The following ARHGEF37 variants were observed in gnomAD, a reference collection of about 807,000 sequenced individuals.
ARHGEF37 encodes Rho guanine nucleotide exchange factor (GEF) 37.
ARHGEF37 carries 55 observed loss-of-function variants against 71.1 expected under a neutral mutation model. That is an observed-to-expected ratio of 0.77 (90% confidence interval 0.62 to 0.97). The LOEUF is 0.97. ARHGEF37 is among the 50% of genes least tolerant of loss of function. The probability of loss-of-function intolerance (pLI) is 0.00; values close to 1 mark genes in which losing one functional copy is unlikely to be tolerated. For synonymous variants in ARHGEF37, 327 were observed against 350.6 expected (o/e 0.93, Z 0.75); for missense variants, 765 against 836.8 (o/e 0.91, Z 1.06).
At chr5:149,626,286 ACG>A (rs57933199) in intron 10 of ARHGEF37, among the ~76,000 whole-genome samples, 2,256 of 113,354 alleles carry the variant, frequency 0.02, 18 homozygotes, top group Middle Eastern at 0.056. Flanking sequence ...ACACACACAC[ACG>A]CCTCTCTCAA....
chr5:149,620,370 G>A lies in ARHGEF37; in HGVS notation c.911G>A (p.Arg304Lys). ...TGGGTCCAGGCTTTCCTCTACTTCA[G>A]GCCGCACGAATACAATCTGGACATC... ...LDNLQAFLYF[R>K]PHEYNLDIPE... Residue 304 changes from arginine (R) to lysine (K), a missense_variant, in exon 8 of 13, where the codon AGG (arginine) becomes AAG (lysine). Coordinates refer to ENST00000333677, the MANE Select transcript of ARHGEF37 (RefSeq NM_001001669.3). The A allele has an allele frequency of 3.1e-6, 5 of 1,611,330 alleles. No homozygotes were observed. The highest frequency in any genetic ancestry group is 4.2e-6 in the Non-Finnish European group (5 of 1,178,904).
chr5:149,623,881 C>G, intron 9 of ARHGEF37, 131 bp from the exon 10 acceptor site: 2 of 1,245,682 alleles, frequency 1.6e-6, no homozygotes, highest in Middle Eastern at 2.1e-4. Context: ...AGATCCTGCA[C>G]AGGGTCAAGG....
chr5:149,584,028 G>A (rs1053198950), intron 1 of ARHGEF37, among the ~76,000 whole-genome samples: 7 of 152,084 alleles, frequency 4.6e-5, no homozygotes, highest in Admixed American at 4.6e-4. Flanking sequence ...CCAAAGTGCT[G>A]GGATTACAGG....
chr5:149,574,667 T>C (rs1763006873), intron 1 of ARHGEF37, among the ~76,000 whole-genome samples: 1 of 152,224 alleles, frequency 6.6e-6, no homozygotes, highest in Non-Finnish European at 1.5e-5. Context: ...TACATCCATC[T>C]TCCTGTTGAC....
At chr5:149,622,278 T>G (rs1247589353) in intron 9 of ARHGEF37, among the ~76,000 whole-genome samples, 1 of 152,182 alleles carries the variant, frequency 6.6e-6, no homozygotes, top group African/African-American at 2.4e-5. Flanking sequence ...AGGATAGGAC[T>G]GAGATTTCAG....
chr5:149,603,080 C>A (rs1763806312), intron 3 of ARHGEF37, among the ~76,000 whole-genome samples: 2 of 151,856 alleles, frequency 1.3e-5, no homozygotes, highest in African/African-American at 4.8e-5. Flanking sequence ...TTACAGGCGC[C>A]CGCCACCACA....
intron 1 of ARHGEF37, among the ~76,000 whole-genome samples, chr5:149,582,307 C>T (rs1216912484): frequency 1.3e-5 from 2 of 152,208 alleles, no homozygotes; most frequent in African/African-American, 4.8e-5. Flanking sequence ...ACATGAATTC[C>T]TGCTGTAAGG....
intron 5 of ARHGEF37, among the ~76,000 whole-genome samples, chr5:149,617,371 T>C (rs1317702213): frequency 6.6e-6 from 1 of 152,162 alleles, no homozygotes; most frequent in Non-Finnish European, 1.5e-5. Context: ...GCTGTGCATA[T>C]ATCTGGGGAG....
chr5:149,631,136 CTTCCTTCCTTCT>C (rs150630705), intron 12 of ARHGEF37, among the ~76,000 whole-genome samples: 21,068 of 148,594 alleles, frequency 0.14, 1,645 homozygotes, highest in Middle Eastern at 0.31. Context: ...TTCTTTCTTT[CTTCCTTCCTTCT>C]TTCCTTCCTT....
At chr5:149,591,424 C>A (rs1040984931) in intron 1 of ARHGEF37, among the ~76,000 whole-genome samples, 4 of 152,082 alleles carry the variant, frequency 2.6e-5, no homozygotes, top group African/African-American at 9.7e-5. Flanking sequence ...CTCTCTATTG[C>A]CCAGGCTGGA....
chr5:149,553,304 G>T (rs934063066), intron 1 of ARHGEF37, among the ~76,000 whole-genome samples: 2 of 152,072 alleles, frequency 1.3e-5, no homozygotes, highest in South Asian at 4.1e-4. Flanking sequence ...GGAGGCTGAG[G>T]CAGGAGAATC....
chr5:149,571,924 A>G (rs1453743939), intron 1 of ARHGEF37, among the ~76,000 whole-genome samples: 1 of 150,330 alleles, frequency 6.7e-6, no homozygotes, highest in Non-Finnish European at 1.5e-5. Flanking sequence ...AAAAAAAAAA[A>G]AAGAAGTTGA....
chr5:149,595,996 G>GC (rs1763534633), intron 1 of ARHGEF37, among the ~76,000 whole-genome samples: 1 of 151,354 alleles, frequency 6.6e-6, no homozygotes, highest in South Asian at 2.1e-4. Context: ...CTTGTGGCTG[G>GC]GGGGGTCCCA....
At chr5:149,629,197 C>T (rs1752800784) in intron 12 of ARHGEF37, among the ~76,000 whole-genome samples, 2 of 147,840 alleles carry the variant, frequency 1.4e-5, no homozygotes, top group African/African-American at 5.1e-5. Flanking sequence ...CCTTGTTCCT[C>T]ATCAGCAGGG....
At chr5:149,577,392 T>G (rs1763039168), upstream of ARHGEF37, among the ~76,000 whole-genome samples, 1 of 150,632 alleles carries the variant, frequency 6.6e-6, no homozygotes, top group Non-Finnish European at 1.5e-5. Context: ...TTTAAAAAAT[T>G]TATCAGAAAA....
At chr5:149,622,348 C>G (rs1001916899) in intron 9 of ARHGEF37, among the ~76,000 whole-genome samples, 15 of 152,192 alleles carry the variant, frequency 9.9e-5, no homozygotes, top group African/African-American at 3.6e-4. Context: ...AATGGCAGAT[C>G]TTGGGACTGA....
intron 2 of ARHGEF37, among the ~76,000 whole-genome samples, chr5:149,600,432 A>G (rs1325037652): frequency 3.9e-5 from 6 of 152,130 alleles, no homozygotes; most frequent in Non-Finnish European, 8.8e-5. Context: ...CCTGGTTAAT[A>G]GGGGCCAGAG....
chr5:149,593,210 C>T (rs1256212433), intron 1 of ARHGEF37, among the ~76,000 whole-genome samples: 1 of 152,182 alleles, frequency 6.6e-6, no homozygotes, highest in Non-Finnish European at 1.5e-5. Context: ...TTAAAGTGTA[C>T]AAATCAATAG....
upstream of ARHGEF37, among the ~76,000 whole-genome samples, chr5:149,579,656 A>C (rs976602191): frequency 1.3e-5 from 2 of 152,004 alleles, no homozygotes; most frequent in Non-Finnish European, 2.9e-5. Flanking sequence ...ATCTTGGCTC[A>C]CTGCAACCTC....
Sources: allele counts gnomAD v4.1 joint callset (sites outside exome capture counted in the v4.1 genomes callset), GRCh38; gene constraint gnomAD v4.1.1; transcripts MANE v1.5; gene names NCBI Gene and HGNC (gene_info 2026-07-23, HGNC 2026-07-21).